The following SORCS1 variants were observed in gnomAD, a reference collection of about 807,000 sequenced individuals.
SORCS1 encodes the protein VPS10 domain-containing receptor SorCS1.
A neutral mutation model predicts 146.1 loss-of-function variants in SORCS1; 60 were observed. The observed-to-expected ratio is 0.41, with a 90% confidence interval of 0.33 to 0.51. The LOEUF is 0.51. SORCS1 is among the 20% of genes least tolerant of loss of function. The pLI, the probability that SORCS1 is intolerant of heterozygous loss-of-function variation, is 0.21. For synonymous variants in SORCS1, 637 were observed against 584.0 expected, an observed-to-expected ratio of 1.09 and a Z score of -1.31; for missense variants, 1,352 against 1,487.6, an observed-to-expected ratio of 0.91 and a Z score of 1.50.
rs371543121 is a variant in SORCS1, at chr10:106,741,637, T to TGA, written c.960-11525_960-11524dup. Among the ~76,000 whole-genome samples the TGA allele has an allele frequency of 3.6e-3, 531 of 147,608 alleles. 9 individuals carry two copies. Among genetic ancestry groups the TGA allele is most frequent in the African/African-American group, 0.013 (509 of 40,218 alleles). ...TAATTATATATAGAGAGAGAGAGAG[T>TGA]GAGAGAGAGAGAGAATGGAAAATCC... On this transcript the variant is annotated intron_variant, in intron 5 of 25. Coordinates refer to ENST00000263054, the MANE Select transcript of SORCS1 (RefSeq NM_052918.5).
Position 107,008,921 on chromosome 10 carries a change from C to T in SORCS1, c.559-52341G>A, listed in dbSNP as rs112248576. Among the ~76,000 whole-genome samples the T allele has an allele frequency of 6.1e-3, 932 of 152,300 alleles. 12 individuals carry two copies. The highest frequency in any genetic ancestry group is 0.021 in the African/African-American group (892 of 41,564). On this transcript the variant is annotated intron_variant, in intron 1 of 25. Coordinates refer to ENST00000263054, the MANE Select transcript of SORCS1 (RefSeq NM_052918.5). Reference sequence around the variant, plus strand: ...CTCAGGCAGGGGAATCACTTGAATCCGAGAGGTGGAGGCTGCAGTGAGCCA... The same window carrying T: ...CTCAGGCAGGGGAATCACTTGAATCTGAGAGGTGGAGGCTGCAGTGAGCCA...
At chr10:106,739,779 G>A (rs554326213) in intron 5 of SORCS1, among the ~76,000 whole-genome samples, 54 of 151,800 alleles carry the variant, frequency 3.6e-4, no homozygotes, top group African/African-American at 1.1e-3. Context: ...GTGAAACCCC[G>A]TCTCTACTAA....
chr10:106,612,032 A>G lies in SORCS1; in HGVS notation c.2921-9T>C. On this transcript the variant is annotated splice_polypyrimidine_tract_variant and intron_variant, in intron 21 of 25. Transcript: ENST00000263054. ...AAGAGACCGGAATTCCTCTGGGGATATAACAGTAGATGGAGTACTATAAGT... is the reference window on the plus strand; with the variant it reads ...AAGAGACCGGAATTCCTCTGGGGATGTAACAGTAGATGGAGTACTATAAGT... 1 of 1,594,136 alleles carries G rather than the reference A, an allele frequency of 6.3e-7. No individual in the cohort carries two copies. Among genetic ancestry groups the G allele is most frequent in the Non-Finnish European group, 8.6e-7 (1 of 1,161,908 alleles).
chr10:106,685,533 A>G (rs1852765140), intron 10 of SORCS1, among the ~76,000 whole-genome samples: 1 of 152,198 alleles, frequency 6.6e-6, no homozygotes, highest in Non-Finnish European at 1.5e-5. Context: ...TAATGAAGCA[A>G]TGATCTGAAG....
chr10:107,136,863 T>C (rs1465731880), intron 1 of SORCS1, among the ~76,000 whole-genome samples: 1 of 152,068 alleles, frequency 6.6e-6, no homozygotes, highest in Non-Finnish European at 1.5e-5. Flanking sequence ...CTCCCCTCCG[T>C]CCCCTGCTTC....
At chr10:107,104,084 C>A (rs1294385312) in intron 1 of SORCS1, among the ~76,000 whole-genome samples, 1 of 150,938 alleles carries the variant, frequency 6.6e-6, no homozygotes, top group Non-Finnish European at 1.5e-5. Context: ...ACTGCCGGTG[C>A]AACTGACAAA....
At chr10:106,966,603 G>T (rs755065277) in intron 1 of SORCS1, among the ~76,000 whole-genome samples, 1 of 152,184 alleles carries the variant, frequency 6.6e-6, no homozygotes, top group African/African-American at 2.4e-5. Context: ...TGCAGACAGA[G>T]CTAGGGACAT....
chr10:106,645,218 G>T (rs1041702224), intron 18 of SORCS1, among the ~76,000 whole-genome samples: 1 of 150,798 alleles, frequency 6.6e-6, no homozygotes, highest in Non-Finnish European at 1.5e-5. Context: ...AACCAGGCTG[G>T]AGTGTAGTAG....
chr10:106,711,263 T>TA (rs1589715539), intron 6 of SORCS1, among the ~76,000 whole-genome samples: 2 of 152,176 alleles, frequency 1.3e-5, no homozygotes, highest in African/African-American at 4.8e-5. Flanking sequence ...TTTTGATGCT[T>TA]AATGAGTAGG....
At chr10:106,618,121 C>A in intron 21 of SORCS1, 28 bp downstream of exon 21, 2 of 1,613,108 alleles carry the variant, frequency 1.2e-6, no homozygotes, top group Non-Finnish European at 8.5e-7. Context: ...ATGAAGACAG[C>A]AGTAGATCCA....
At chr10:106,731,367 A>C (rs906727584) in intron 5 of SORCS1, among the ~76,000 whole-genome samples, 4 of 151,134 alleles carry the variant, frequency 2.6e-5, no homozygotes. Context: ...GACCCTGCAC[A>C]GACTGGGTCC....
At chr10:106,600,129 A>G in intron 23 of SORCS1, 1 of 190,090 alleles carries the variant, frequency 5.3e-6, no homozygotes, top group Non-Finnish European at 9.7e-6. Flanking sequence ...TTTTCTCTTC[A>G]AGTGAGATAT....
chr10:106,985,196 TAC>T (rs1554904535), intron 1 of SORCS1, among the ~76,000 whole-genome samples: 1 of 151,960 alleles, frequency 6.6e-6, no homozygotes, highest in Non-Finnish European at 1.5e-5. Flanking sequence ...TCAAAATGAA[TAC>T]ATAAATAAAT....
intron 2 of SORCS1, among the ~76,000 whole-genome samples, chr10:106,900,397 C>T (rs915242251): frequency 4.6e-5 from 7 of 152,162 alleles, no homozygotes; most frequent in Admixed American, 2.0e-4. Context: ...CCCTACTGCT[C>T]TCTGTGGCTT....
chr10:107,130,145 T>C (rs7907252), intron 1 of SORCS1, among the ~76,000 whole-genome samples: 22 of 152,344 alleles, frequency 1.4e-4, no homozygotes, highest in African/African-American at 4.8e-4. Flanking sequence ...TAAGACTTCA[T>C]TGTGAGTTAA....
intron 3 of SORCS1, among the ~76,000 whole-genome samples, chr10:106,805,532 C>T (rs1362897342): frequency 6.6e-6 from 1 of 152,148 alleles, no homozygotes; most frequent in African/African-American, 2.4e-5. Flanking sequence ...ATCCATTTAA[C>T]TGATTTAAAA....
chr10:106,760,754 C>T (rs1859045344), intron 5 of SORCS1, among the ~76,000 whole-genome samples: 1 of 151,672 alleles, frequency 6.6e-6, no homozygotes, highest in South Asian at 2.1e-4. Context: ...TGGCAATTCA[C>T]AGAACATTTC....
intron 1 of SORCS1, among the ~76,000 whole-genome samples, chr10:107,156,175 A>G (rs1293966690): frequency 1.3e-5 from 2 of 152,216 alleles, no homozygotes; most frequent in African/African-American, 4.8e-5. Flanking sequence ...TGAATTGTGG[A>G]GTTCTTTCCA....
chr10:107,070,185 C>G (rs1962294087), intron 1 of SORCS1, among the ~76,000 whole-genome samples: 1 of 152,146 alleles, frequency 6.6e-6, no homozygotes, highest in Non-Finnish European at 1.5e-5. Flanking sequence ...AGTAATATCC[C>G]ATTATCAGTG....
Sources: allele counts gnomAD v4.1 joint callset (sites outside exome capture counted in the v4.1 genomes callset), GRCh38; gene constraint gnomAD v4.1.1; transcripts MANE v1.5; gene names NCBI Gene and HGNC (gene_info 2026-07-23, HGNC 2026-07-21).